The following DRAM1 variants were observed in gnomAD, a reference collection of about 807,000 sequenced individuals.
DRAM1 encodes DNA damage regulated autophagy modulator 1, also known as DNA damage-regulated autophagy modulator protein 1.
In DRAM1, 25 loss-of-function variants were observed where a neutral mutation model predicts 28.5. That is an observed-to-expected ratio of 0.88 (90% CI 0.64 to 1.23). The LOEUF (loss-of-function observed/expected upper bound fraction) is 1.23, where lower values mean the gene tolerates loss of function less well. Among genes scored for constraint, DRAM1 ranks in the 50% most tolerant of loss-of-function variants. DRAM1 has a pLI of 0.00. For missense variants in DRAM1, 249 were observed against 299.2 expected (o/e 0.83, Z 1.24); for synonymous variants, 113 against 114.2 (o/e 0.99, Z 0.07).
chr12:101,884,685 A>C (rs952997308), intron 1 of DRAM1, among the ~76,000 whole-genome samples: 1 of 152,172 alleles, frequency 6.6e-6, no homozygotes, highest in Non-Finnish European at 1.5e-5. Flanking sequence ...CTACCTCATG[A>C]CCCCATAATC....
At chr12:101,887,532 C>CTTTTTT (rs574383974) in intron 1 of DRAM1, among the ~76,000 whole-genome samples, 1 of 143,840 alleles carries the variant, frequency 7.0e-6, no homozygotes. Flanking sequence ...AGACTTTTTT[C>CTTTTTT]TTTTTCTTTT....
intron 1 of DRAM1, among the ~76,000 whole-genome samples, chr12:101,883,480 A>T (rs1215356265): frequency 1.3e-5 from 2 of 151,078 alleles, no homozygotes; most frequent in Non-Finnish European, 3.0e-5. Context: ...CACCTGGCTA[A>T]TTTTTTTGTA....
chr12:101,893,482 C>T (rs1449309864), intron 1 of DRAM1, among the ~76,000 whole-genome samples: 1 of 152,172 alleles, frequency 6.6e-6, no homozygotes, highest in Non-Finnish European at 1.5e-5. Context: ...CTCCCCGCCC[C>T]CAATCATTCT....
intron 1 of DRAM1, among the ~76,000 whole-genome samples, chr12:101,894,943 C>CT (rs1488586563): frequency 6.6e-6 from 1 of 152,118 alleles, no homozygotes; most frequent in Non-Finnish European, 1.5e-5. Context: ...CTGGTGCCTG[C>CT]TTTTTTATAC....
intron 2 of DRAM1, 117 bp downstream of exon 2, chr12:101,898,047 C>CCCTGTCTCAGAAAAA: frequency 4.9e-6 from 3 of 612,368 alleles, no homozygotes; most frequent in Non-Finnish European, 7.7e-6. Context: ...TTTTCTGAGA[C>CCCTGTCTCAGAAAAA]AGGGTCTCTG....
At chr12:101,896,970 A>G (rs1873396957) in intron 1 of DRAM1, among the ~76,000 whole-genome samples, 1 of 151,918 alleles carries the variant, frequency 6.6e-6, no homozygotes, top group East Asian at 1.9e-4. Context: ...TATTTTTAGT[A>G]GAGATGAGGC....
At chr12:101,904,346 A>T (rs1873714431) in intron 3 of DRAM1, among the ~76,000 whole-genome samples, 1 of 151,170 alleles carries the variant, frequency 6.6e-6, no homozygotes, top group Non-Finnish European at 1.5e-5. Context: ...CTTTTTAGAA[A>T]AGAAACTTTC....
At chr12:101,916,872 C>T (rs1874263886) in intron 5 of DRAM1, among the ~76,000 whole-genome samples, 1 of 152,072 alleles carries the variant, frequency 6.6e-6, no homozygotes, top group African/African-American at 2.4e-5. Context: ...GGCAAACAGC[C>T]AGTTGTCAAT....
chr12:101,914,745 C>T (rs1874169266), intron 5 of DRAM1, among the ~76,000 whole-genome samples: 1 of 151,918 alleles, frequency 6.6e-6, no homozygotes, highest in African/African-American at 2.4e-5. Flanking sequence ...GCAACCTTTG[C>T]CTCCTGGGTT....
chr12:101,907,838 A>G (rs1426616177), intron 3 of DRAM1, among the ~76,000 whole-genome samples: 1 of 152,064 alleles, frequency 6.6e-6, no homozygotes, highest in African/African-American at 2.4e-5. Flanking sequence ...CCATTTTTAG[A>G]TACAGAAATC....
At chr12:101,895,198 T>TTTGTTTTTTTTTTTTTTTTG (rs1404559516) in intron 1 of DRAM1, among the ~76,000 whole-genome samples, 3 of 128,772 alleles carry the variant, frequency 2.3e-5, no homozygotes, top group Non-Finnish European at 3.2e-5. Flanking sequence ...TTTTTTTTTT[T>TTTGTTTTTTTTTTTTTTTTG]TTTTTTTTTT....
At chr12:101,880,037 T>G (rs1357646006) in intron 1 of DRAM1, among the ~76,000 whole-genome samples, 2 of 151,254 alleles carry the variant, frequency 1.3e-5, no homozygotes, top group African/African-American at 4.9e-5. Context: ...CAGTGCTGCT[T>G]CTTTTGTTTG....
intron 1 of DRAM1, among the ~76,000 whole-genome samples, chr12:101,879,738 G>A (rs963980680): frequency 3.3e-5 from 5 of 150,126 alleles, no homozygotes; most frequent in African/African-American, 9.8e-5. Context: ...GCTCACGCCT[G>A]TAATCCCAGC....
intron 2 of DRAM1, among the ~76,000 whole-genome samples, chr12:101,900,037 A>G (rs1427346041): frequency 6.6e-6 from 1 of 152,244 alleles, no homozygotes; most frequent in Non-Finnish European, 1.5e-5. Flanking sequence ...TTTACTAAGT[A>G]TGTACTATAT....
Position 101,923,486 on chromosome 12 carries a change from C to T in DRAM1, c.*2226C>T, listed in dbSNP as rs570239328. Reference sequence around the variant, plus strand: ...GTACACTGTAGGAGCTTAAGAAATACTCACTGAATGCATGAATGAATGAAT... The same window carrying T: ...GTACACTGTAGGAGCTTAAGAAATATTCACTGAATGCATGAATGAATGAAT... On this transcript the variant is annotated 3_prime_UTR_variant, in exon 7 of 7. Transcript: ENST00000258534. The T allele has an allele frequency of 6.6e-6, 1 of 152,292 alleles. No homozygotes were observed. Among genetic ancestry groups the T allele is most frequent in the South Asian group, 2.1e-4 (1 of 4,812 alleles). 9.4% of individuals were successfully genotyped at this position (152,292 alleles called of 1,614,324 possible). A position where few individuals can be genotyped will look rare whatever the true frequency, so the allele number is the denominator to read the frequency against.
At chr12:101,883,908 C>T (rs544745774) in intron 1 of DRAM1, among the ~76,000 whole-genome samples, 10 of 149,192 alleles carry the variant, frequency 6.7e-5, no homozygotes, top group African/African-American at 2.5e-4. Context: ...GCACTCCAGC[C>T]TGGTGATAGA....
rs193064033 is a variant in DRAM1, at chr12:101,911,328, G to T, written c.521-2846G>T. ...GCCTCATTTGACTACCGAAGAAACC[G>T]AGGCACCTAGTGAGGCAGACGTTAG... On this transcript the variant is annotated intron_variant, in intron 4 of 6. Transcript: ENST00000258534. Among the ~76,000 whole-genome samples the T allele has an allele frequency of 2.6e-5, 4 of 152,158 alleles. No individual in the cohort carries two copies. In the East Asian group the frequency reaches 7.7e-4, roughly 29 times the overall value.
rs200088364 is a variant in DRAM1 at position 101,879,005 on chromosome 12, A to T, written c.131+1085A>T. On this transcript the variant is annotated intron_variant, in intron 1 of 6. Coordinates refer to ENST00000258534, the MANE Select transcript of DRAM1 (RefSeq NM_018370.3). The stretch of plus-strand genomic sequence containing the variant: ...ACTAGCATTTTTTAAAATTTTTTTT[A>T]TTTTTTTGAGACAGAGTCTTGTTCT... Among the ~76,000 whole-genome samples, 884 of 144,370 alleles carry T rather than the reference A, an allele frequency of 6.1e-3. 9 individuals carry two copies. Among genetic ancestry groups the T allele is most frequent in the African/African-American group, 0.021 (819 of 39,062 alleles). 94.7% of individuals were successfully genotyped at this position (144,370 alleles called of 152,430 possible).
At chr12:101,918,916 TTTA>T (rs762539836) in intron 5 of DRAM1, among the ~76,000 whole-genome samples, 2 of 151,852 alleles carry the variant, frequency 1.3e-5, no homozygotes, top group Admixed American at 6.6e-5. Flanking sequence ...TTATTTTTAT[TTTA>T]TTATTATTAT....
Sources: allele counts gnomAD v4.1 joint callset (sites outside exome capture counted in the v4.1 genomes callset), GRCh38; gene constraint gnomAD v4.1.1; transcripts MANE v1.5; gene names NCBI Gene and HGNC (gene_info 2026-07-23, HGNC 2026-07-21).